The following TNS3 variants were observed in gnomAD, a reference collection of about 807,000 sequenced individuals.
TNS3 encodes tensin-3.
In TNS3, 45 loss-of-function variants were observed where a neutral mutation model predicts 140.9. The ratio of observed to expected loss-of-function variants is 0.32; its 90% CI spans 0.25 to 0.41. The LOEUF is 0.41. TNS3 is among the 10% of genes least tolerant of loss of function. TNS3 has a pLI of 1.00. For missense variants in TNS3, 1,716 were observed against 1,906.7 expected (o/e 0.90, Z 1.86); for synonymous variants, 815 against 788.4 (o/e 1.03, Z -0.56).
At chr7:47,507,696 C>T (rs539760580) in intron 2 of TNS3, among the ~76,000 whole-genome samples, 3 of 152,288 alleles carry the variant, frequency 2.0e-5, no homozygotes, top group Admixed American at 1.3e-4. Flanking sequence ...AACCTCCCCA[C>T]GAGCACCACG....
intron 23 of TNS3, among the ~76,000 whole-genome samples, chr7:47,298,806 C>T (rs1562771789): frequency 6.6e-6 from 1 of 152,260 alleles, no homozygotes; most frequent in Non-Finnish European, 1.5e-5. Flanking sequence ...TTCTTTTACA[C>T]ATTTTTCAAT....
chr7:47,530,838 A>AAAAAAAAAAAAAAAAAAATATAT, intron 1 of TNS3, among the ~76,000 whole-genome samples: 3 of 54,564 alleles, frequency 5.5e-5, no homozygotes, highest in East Asian at 9.8e-4. Context: ...AAAAAAAAAA[A>AAAAAAAAAAAAAAAAAAATATAT]ATATATATAT....
intron 2 of TNS3, among the ~76,000 whole-genome samples, chr7:47,516,002 C>T (rs1432224581): frequency 6.6e-6 from 1 of 152,172 alleles, no homozygotes; most frequent in African/African-American, 2.4e-5. Context: ...AGAAATAAGC[C>T]AAAGAAAGAA....
intron 20 of TNS3, among the ~76,000 whole-genome samples, chr7:47,324,867 C>T (rs940215990): frequency 2.6e-5 from 4 of 152,134 alleles, no homozygotes; most frequent in Non-Finnish European, 4.4e-5. Flanking sequence ...ATAGTCTGCG[C>T]ATAACTGTAT....
intron 4 of TNS3, among the ~76,000 whole-genome samples, chr7:47,445,391 G>T (rs1306947591): frequency 1.3e-5 from 2 of 152,174 alleles, no homozygotes; most frequent in Admixed American, 6.5e-5. Flanking sequence ...AGGAAATGAG[G>T]ATTTGGTGGG....
chr7:47,310,811 C>A (rs958522506), intron 20 of TNS3, among the ~76,000 whole-genome samples: 8 of 152,220 alleles, frequency 5.3e-5, no homozygotes, highest in Non-Finnish European at 1.2e-4. Context: ...TGAGTGAGAA[C>A]ATGCAGTGTT....
chr7:47,505,769 G>A (rs186588516), intron 3 of TNS3, among the ~76,000 whole-genome samples: 17 of 152,310 alleles, frequency 1.1e-4, no homozygotes, highest in African/African-American at 2.2e-4. Context: ...GCATGTATGC[G>A]TGTGAGCACA....
intron 1 of TNS3, among the ~76,000 whole-genome samples, chr7:47,567,248 T>C (rs1254025694): frequency 6.6e-6 from 1 of 152,150 alleles, no homozygotes; most frequent in Non-Finnish European, 1.5e-5. Context: ...ATTATCTACA[T>C]GGGAAATGCC....
At chr7:47,337,503 TAGAA>T (rs1788699064) in intron 20 of TNS3, among the ~76,000 whole-genome samples, 1 of 152,198 alleles carries the variant, frequency 6.6e-6, no homozygotes, top group Non-Finnish European at 1.5e-5. Flanking sequence ...GCAATACAAT[TAGAA>T]AGAGCAGTCA....
intron 4 of TNS3, among the ~76,000 whole-genome samples, chr7:47,450,433 CTG>C (rs1795964439): frequency 6.6e-6 from 1 of 152,248 alleles, no homozygotes; most frequent in South Asian, 2.1e-4. Context: ...TGACTATAAA[CTG>C]TGGATTTTTC....
At chr7:47,315,317 C>CG (rs1207000007) in intron 20 of TNS3, among the ~76,000 whole-genome samples, 4 of 152,200 alleles carry the variant, frequency 2.6e-5, no homozygotes, top group Non-Finnish European at 5.9e-5. Flanking sequence ...TGGTGCCCTG[C>CG]GGGGGTGAGG....
At chr7:47,382,233 G>A (rs1331100330) in intron 16 of TNS3, among the ~76,000 whole-genome samples, 2 of 152,210 alleles carry the variant, frequency 1.3e-5, no homozygotes, top group East Asian at 3.8e-4. Context: ...TGATTTGGGT[G>A]GGGTTGGGGT....
intron 21 of TNS3, 119 bp from the exon 22 acceptor site, chr7:47,303,703 G>A (rs1407286652): frequency 3.2e-6 from 4 of 1,236,006 alleles, no homozygotes; most frequent in African/African-American, 1.5e-5. Flanking sequence ...AGGCCCTCCA[G>A]GCAGCACAGG....
chr7:47,302,954 C>T lies in TNS3; in HGVS notation c.3453G>A (p.Leu1151=), dbSNP rs770520658. The T allele has an allele frequency of 1.3e-6, 2 of 1,599,028 alleles. No individual in the cohort carries two copies. The highest frequency in any genetic ancestry group is 1.7e-6 in the Non-Finnish European group (2 of 1,170,436). ...FSKASEAASP[L]PDSPGDKLVI... Reference sequence around the variant, plus strand: ...ACCAGCTGGAAACACACCTACCTGGCAGAGGTGAGGCCGCTTCTGAAGCCT... The same window carrying T: ...ACCAGCTGGAAACACACCTACCTGGTAGAGGTGAGGCCGCTTCTGAAGCCT... The change falls in exon 22 of 31, where the codon CTG becomes CTA. Residue 1151 remains leucine (L), a synonymous_variant. Coordinates refer to ENST00000311160, the MANE Select transcript of TNS3 (RefSeq NM_022748.12).
chr7:47,461,069 GA>G (rs200748048), intron 4 of TNS3, among the ~76,000 whole-genome samples: 5 of 151,822 alleles, frequency 3.3e-5, no homozygotes, highest in Admixed American at 6.6e-5. Context: ...TGCTGGAGTT[GA>G]AAAAAAACGG....
chr7:47,443,800 A>G (rs1795586337), intron 4 of TNS3, among the ~76,000 whole-genome samples: 1 of 152,156 alleles, frequency 6.6e-6, no homozygotes, highest in Non-Finnish European at 1.5e-5. Context: ...GCACACCTGT[A>G]ATCCTAGCTA....
At chr7:47,551,683 G>A (rs73695389) in intron 1 of TNS3, among the ~76,000 whole-genome samples, 97 of 152,342 alleles carry the variant, frequency 6.4e-4, no homozygotes, top group African/African-American at 2.3e-3. Context: ...CTCAGTAAGT[G>A]TCCACAGACA....
At chr7:47,486,599 C>T (rs574424457) in intron 3 of TNS3, among the ~76,000 whole-genome samples, 1 of 152,300 alleles carries the variant, frequency 6.6e-6, no homozygotes, top group East Asian at 1.9e-4. Flanking sequence ...AGATCTTCCT[C>T]AGTAAGGAGT....
intron 17 of TNS3, among the ~76,000 whole-genome samples, chr7:47,361,081 T>C (rs1790289086): frequency 6.6e-6 from 1 of 151,590 alleles, no homozygotes; most frequent in Admixed American, 6.6e-5. Flanking sequence ...TGGAGGCCAA[T>C]GCCACCCCAT....
Sources: allele counts gnomAD v4.1 joint callset (sites outside exome capture counted in the v4.1 genomes callset), GRCh38; gene constraint gnomAD v4.1.1; transcripts MANE v1.5; gene names NCBI Gene and HGNC (gene_info 2026-07-23, HGNC 2026-07-21).